Variants in WRN observed in about 807,000 individuals in gnomAD.
The protein encoded by WRN is WRN RecQ like helicase, also known as bifunctional 3'-5' exonuclease/ATP-dependent helicase WRN.
In WRN, 149 loss-of-function variants were observed where a neutral mutation model predicts 180.7. That is an observed-to-expected ratio of 0.82 (90% CI 0.72 to 0.94). The LOEUF is 0.94. WRN is among the 40% of genes least tolerant of loss of function. The pLI is 0.00. For synonymous variants in WRN, 548 were observed against 568.9 expected, an observed-to-expected ratio of 0.96 and a Z score of 0.52; for missense variants, 1,661 against 1,700.1, an observed-to-expected ratio of 0.98 and a Z score of 0.40.
At position 31,091,948 on chromosome 8, in the gene WRN, T is replaced by C. The variant is rs754180820; in HGVS notation, c.1898+50T>C. 14 of 1,553,452 alleles carry C rather than the reference T, an allele frequency of 9.0e-6. No homozygotes were observed. The South Asian group carries it at 1.2e-4, about 14-fold the overall frequency. ...TTTATTTTGGATTTATGGGGGTGCA[T>C]ATGCAAGTTTGTTACGTGGGTGAAT... On this transcript the variant is annotated intron_variant, in intron 16 of 34. Coordinates refer to ENST00000298139, the MANE Select transcript of WRN (RefSeq NM_000553.6).
intron 24 of WRN, among the ~76,000 whole-genome samples, chr8:31,136,922 A>C (rs1369672224): frequency 6.6e-6 from 1 of 152,194 alleles, no homozygotes; most frequent in African/African-American, 2.4e-5. Flanking sequence ...CATCATAGGC[A>C]GTTTTTACTC....
chr8:31,147,103 T>C lies in WRN; in HGVS notation c.3434T>C (p.Ile1145Thr), dbSNP rs760910926. Residue 1145 changes from isoleucine to threonine, a missense_variant, in exon 29 of 35, where the codon ATT (isoleucine) becomes ACT (threonine). Ile to Thr is a moderately conservative substitution (Grantham distance 89, BLOSUM62 -1). This residue lies in a region of WRN where 1,141 missense variants were observed against 1,149.4 expected (regional missense o/e 0.99). Coordinates refer to ENST00000298139, the MANE Select transcript of WRN (RefSeq NM_000553.6). ...EKAYSSSQPV[I>T]SAQEQETQIV... Reference sequence around the variant, plus strand: ...GCTTACAGTTCCTCACAGCCTGTTATTTCGGCACAAGAGCAGGAGACTCAG... The same window carrying C: ...GCTTACAGTTCCTCACAGCCTGTTACTTCGGCACAAGAGCAGGAGACTCAG... The C allele has an allele frequency of 1.5e-5, 24 of 1,613,938 alleles. No individual in the cohort carries two copies. The highest frequency in any genetic ancestry group is 1.9e-5 in the Non-Finnish European group (23 of 1,179,870).
intron 1 of WRN, among the ~76,000 whole-genome samples, chr8:31,050,887 CAG>C (rs1437362536): frequency 6.6e-6 from 1 of 152,054 alleles, no homozygotes; most frequent in East Asian, 1.9e-4. Flanking sequence ...ATTTATAAAA[CAG>C]TGTATTTCAT....
At chr8:31,047,631 T>C (rs1811920375) in intron 1 of WRN, among the ~76,000 whole-genome samples, 1 of 152,190 alleles carries the variant, frequency 6.6e-6, no homozygotes. Flanking sequence ...AGGCAACCGT[T>C]AACATCCACT....
At chr8:31,155,130 CAG>C (rs796500338) in intron 32 of WRN, among the ~76,000 whole-genome samples, 9 of 152,102 alleles carry the variant, frequency 5.9e-5, no homozygotes, top group African/African-American at 2.2e-4. Flanking sequence ...AGGTGCAAAA[CAG>C]AAAAACAAAC....
chr8:31,122,860 G>GTTTTTTTTCTTTTTTT (rs1801774414), intron 21 of WRN, among the ~76,000 whole-genome samples: 1 of 69,480 alleles, frequency 1.4e-5, no homozygotes, highest in Non-Finnish European at 2.6e-5. Context: ...TTCTTTTCTT[G>GTTTTTTTTCTTTTTTT]TTTTTTTTTT....
At chr8:31,148,778 C>T (rs1216988739) in intron 30 of WRN, among the ~76,000 whole-genome samples, 1 of 152,146 alleles carries the variant, frequency 6.6e-6, no homozygotes, top group African/African-American at 2.4e-5. Context: ...CCACACAATG[C>T]TATATTTTAT....
At chr8:31,072,148 G>A (rs190947970) in intron 7 of WRN, among the ~76,000 whole-genome samples, 1 of 152,328 alleles carries the variant, frequency 6.6e-6, no homozygotes, top group Non-Finnish European at 1.5e-5. Flanking sequence ...CAAAGGAGTT[G>A]CCATAGACAT....
intron 26 of WRN, among the ~76,000 whole-genome samples, chr8:31,142,099 T>A (rs1444947946): frequency 6.6e-6 from 1 of 152,078 alleles, no homozygotes; most frequent in African/African-American, 2.4e-5. Flanking sequence ...TGCACTACTA[T>A]GCCCAGCTAA....
chr8:31,130,069 A>G (rs116373730), intron 23 of WRN, among the ~76,000 whole-genome samples: 9,247 of 150,584 alleles, frequency 0.061, 333 homozygotes, highest in African/African-American at 0.068. Flanking sequence ...CACACCTGTC[A>G]TTCTAGCTCT....
chr8:31,096,788 A>G lies in WRN; in HGVS notation c.1919A>G (p.Tyr640Cys), dbSNP rs1585449246. The change falls in exon 17 of 35, where the codon TAC (tyrosine) becomes TGC (cysteine). Residue 640 changes from tyrosine (Y) to cysteine (C), a missense_variant. This residue lies in a region of WRN where 1,141 missense variants were observed against 1,149.4 expected (regional missense o/e 0.99). Coordinates refer to ENST00000298139, the MANE Select transcript of WRN (RefSeq NM_000553.6). The part of the protein sequence containing the change: ...DIKLGKYRIV[Y>C]VTPEYCSGNM... ...TACAGAGGTAAATACCGGATTGTAT[A>G]CGTAACTCCAGAATACTGTTCAGGT... 6.2e-7 allele frequency: 1 copy of G among 1,608,880 alleles called. No individual in the cohort carries two copies. The highest frequency in any genetic ancestry group is 8.5e-7 in the Non-Finnish European group (1 of 1,179,228).
chr8:31,132,876 A>T (rs781208385), intron 24 of WRN, among the ~76,000 whole-genome samples: 2 of 152,224 alleles, frequency 1.3e-5, no homozygotes, highest in African/African-American at 4.8e-5. Flanking sequence ...TTGTCCAGGA[A>T]ACCATTAAAT....
chr8:31,142,674 A>G lies in WRN; in HGVS notation c.3282A>G (p.Val1094=). 1 of 1,605,492 alleles carries G rather than the reference A, an allele frequency of 6.2e-7. No homozygotes were observed. Among genetic ancestry groups the G allele is most frequent in the East Asian group, 2.2e-5 (1 of 44,548 alleles). The change falls in exon 27 of 35, where the codon GTA becomes GTG. Residue 1094 remains valine (V), a synonymous_variant. Coordinates refer to ENST00000298139, the MANE Select transcript of WRN (RefSeq NM_000553.6). ...CCAAAGAGCATTGTTATAATCAAGT[A>G]CCAGTTGAATTAAGTACAGAGAAGA... is the stretch of plus-strand genomic sequence containing the variant. ...SGTKEHCYNQ[V]PVELSTEKKS...
intron 20 of WRN, 24 bp from the exon 21 acceptor site, chr8:31,120,219 A>C (rs770886751): frequency 3.3e-5 from 53 of 1,612,042 alleles, no homozygotes; most frequent in Non-Finnish European, 4.3e-5. Context: ...ATGTTTGTCA[A>C]ACTGTGTTGT....
At chr8:31,132,335 C>T in intron 23 of WRN, 30 bp from the exon 24 acceptor site, 2 of 1,608,436 alleles carry the variant, frequency 1.2e-6, no homozygotes, top group Non-Finnish European at 1.7e-6. Context: ...CTTTGCTAAG[C>T]TTTCTTCAAA....
At chr8:31,112,059 A>T (rs1377634525) in intron 19 of WRN, among the ~76,000 whole-genome samples, 1 of 151,990 alleles carries the variant, frequency 6.6e-6, no homozygotes. Context: ...TATACTATTT[A>T]TTTTTATTTT....
Position 31,116,503 on chromosome 8 carries a change from A to T in WRN, c.2423A>T (p.His808Leu). The T allele has an allele frequency of 6.2e-7, 1 of 1,613,986 alleles. No individual in the cohort carries two copies. The highest frequency in any genetic ancestry group is 8.5e-7 in the Non-Finnish European group (1 of 1,179,900). ...MSFSTRKDIH[H>L]RFVRDEIQCV... ...TTTAGCACAAGGAAAGACATTCATC[A>T]TAGGTTTGTAAGAGATGAAATTCAG... The change falls in exon 20 of 35, where the codon CAT (histidine) becomes CTT (leucine). Residue 808 changes from histidine (H) to leucine (L), a missense_variant. His to Leu is a moderately conservative substitution (Grantham distance 99). Around this residue, in one of 3 missense-constraint regions of WRN, gnomAD observed 1,141 missense variants for 1,149.4 expected, o/e 0.99. Coordinates refer to ENST00000298139, the MANE Select transcript of WRN (RefSeq NM_000553.6).
chr8:31,132,875 A>C (rs1412205284), intron 24 of WRN, among the ~76,000 whole-genome samples: 2 of 152,230 alleles, frequency 1.3e-5, no homozygotes, highest in African/African-American at 2.4e-5. Context: ...TTTGTCCAGG[A>C]AACCATTAAA....
chr8:31,154,811 T>G, intron 32 of WRN, 56 bp downstream of exon 32: 3 of 1,604,720 alleles, frequency 1.9e-6, no homozygotes, highest in Non-Finnish European at 2.6e-6. Flanking sequence ...AACTTGTGTT[T>G]TATCAGCTTT....
Sources: allele counts gnomAD v4.1 joint callset (sites outside exome capture counted in the v4.1 genomes callset), GRCh38; gene constraint gnomAD v4.1.1; regional missense constraint gnomAD v4.1.1; transcripts MANE v1.5; gene names NCBI Gene and HGNC (gene_info 2026-07-23, HGNC 2026-07-21).